The following PBX1 variants were observed in gnomAD, a reference collection of about 807,000 sequenced individuals.
PBX1 encodes the protein PBX homeobox 1.
Under a neutral mutation model 53.4 loss-of-function variants are expected in PBX1, and 6 were observed. The ratio of observed to expected loss-of-function variants is 0.11; its 90% CI spans 0.06 to 0.22. The LOEUF is 0.22. Among genes scored for constraint, PBX1 ranks in the 10% least tolerant of loss-of-function variants. The pLI is 1.00. For missense variants in PBX1, 251 were observed against 551.4 expected, an observed-to-expected ratio of 0.46 and a Z score of 5.46; for synonymous variants, 204 against 212.3, an observed-to-expected ratio of 0.96 and a Z score of 0.34.
At chr1:164,637,371 C>A (rs577675054) in intron 2 of PBX1, among the ~76,000 whole-genome samples, 1 of 152,118 alleles carries the variant, frequency 6.6e-6, no homozygotes, top group African/African-American at 2.4e-5. Context: ...AATGGATTAA[C>A]GTGATTCTTA....
Position 164,867,553 on chromosome 1 carries a change from C to G in PBX1, n.258-31635C>G, listed in dbSNP as rs555783068. Among the ~76,000 whole-genome samples, 72 of 152,354 alleles carry G rather than the reference C, an allele frequency of 4.7e-4. 1 individual carries two copies. In the South Asian group the frequency reaches 0.013, roughly 29 times the overall value. The stretch of plus-strand genomic sequence containing the variant: ...GGCCTATCCAGTCTGTAAAGTTGAG[C>G]ATTCCATCTCAAATGGTGGCCTAAA... On this transcript the variant is annotated intron_variant and non_coding_transcript_variant, in intron 2 of 2. Coordinates refer to the PBX1 transcript ENST00000558796.
At chr1:164,797,219 A>C (rs1450444304) in intron 3 of PBX1, among the ~76,000 whole-genome samples, 1 of 152,212 alleles carries the variant, frequency 6.6e-6, no homozygotes, top group Admixed American at 6.5e-5. Context: ...ATAATGAAGC[A>C]CATTATTATT....
At chr1:164,611,276 C>T (rs1004535961) in intron 2 of PBX1, among the ~76,000 whole-genome samples, 3 of 152,134 alleles carry the variant, frequency 2.0e-5, no homozygotes, top group Admixed American at 2.0e-4. Context: ...CTTACTCTGT[C>T]GCCCAGGCTA....
chr1:164,859,080 CCAATA>C (rs1672038094), intron 2 of PBX1, among the ~76,000 whole-genome samples: 1 of 152,192 alleles, frequency 6.6e-6, no homozygotes, highest in East Asian at 1.9e-4. Context: ...TTCTTACCAA[CCAATA>C]CAAGGAGCAA....
chr1:164,701,188 C>T (rs1663101291), intron 2 of PBX1, among the ~76,000 whole-genome samples: 1 of 152,092 alleles, frequency 6.6e-6, no homozygotes, highest in Admixed American at 6.5e-5. Flanking sequence ...ATGTAGAAAG[C>T]AGAGTTCAGG....
chr1:164,725,260 CA>C (rs1360989280), intron 2 of PBX1, among the ~76,000 whole-genome samples: 1 of 152,086 alleles, frequency 6.6e-6, no homozygotes, highest in Non-Finnish European at 1.5e-5. Flanking sequence ...CATAAGCCCC[CA>C]AAGGTTTGGA....
intron 2 of PBX1, among the ~76,000 whole-genome samples, chr1:164,785,503 GT>G (rs1395437557): frequency 6.6e-6 from 1 of 152,200 alleles, no homozygotes; most frequent in Non-Finnish European, 1.5e-5. Context: ...AGGAAGAAGT[GT>G]ATGTGCATCA....
intron 2 of PBX1, among the ~76,000 whole-genome samples, chr1:164,733,259 A>AGTC (rs1399382369): frequency 1.3e-5 from 2 of 152,116 alleles, no homozygotes; most frequent in African/African-American, 4.8e-5. Context: ...CACTAGACTG[A>AGTC]GAACTTCTTG....
intron 2 of PBX1, chr1:164,684,040 A>T (rs1389264771): frequency 2.0e-5 from 3 of 151,424 alleles, no homozygotes; most frequent in African/African-American, 7.3e-5. Context: ...CTGGTCTTGA[A>T]CTCCTAGCCT....
intron 2 of PBX1, among the ~76,000 whole-genome samples, chr1:164,696,536 C>T (rs1455775230): frequency 6.6e-6 from 1 of 152,136 alleles, no homozygotes; most frequent in Non-Finnish European, 1.5e-5. Flanking sequence ...TTGGACTAGA[C>T]TCTAAGATAT....
chr1:164,674,941 T>TA (rs1375765757), intron 2 of PBX1: 3 of 148,412 alleles, frequency 2.0e-5, no homozygotes, highest in Non-Finnish European at 4.4e-5. Context: ...ACCCTTTCTT[T>TA]AGCATGGTGC....
intron 2 of PBX1, among the ~76,000 whole-genome samples, chr1:164,755,873 A>G (rs1666486889): frequency 2.6e-5 from 4 of 152,036 alleles, no homozygotes; most frequent in Admixed American, 6.6e-5. Context: ...TAAGCTGCCA[A>G]CATGGCTTTC....
intron 8 of PBX1, among the ~76,000 whole-genome samples, chr1:164,832,325 G>C (rs945437333): frequency 6.6e-6 from 1 of 152,166 alleles, no homozygotes; most frequent in East Asian, 1.9e-4. Flanking sequence ...GCATATGGAA[G>C]GCTTACGACT....
chr1:164,629,240 A>T (rs1557901692), intron 2 of PBX1, among the ~76,000 whole-genome samples: 1 of 152,136 alleles, frequency 6.6e-6, no homozygotes, highest in Non-Finnish European at 1.5e-5. Context: ...GAAAAAAAAA[A>T]TGTTAGTGTT....
intron 2 of PBX1, among the ~76,000 whole-genome samples, chr1:164,619,104 G>A (rs2101847144): frequency 6.6e-6 from 1 of 152,192 alleles, no homozygotes; most frequent in South Asian, 2.1e-4. Flanking sequence ...AGACAACAGG[G>A]AGAGAAACAA....
At chr1:164,651,685 AGAG>A (rs1244509171) in intron 2 of PBX1, among the ~76,000 whole-genome samples, 1 of 152,130 alleles carries the variant, frequency 6.6e-6, no homozygotes, top group African/African-American at 2.4e-5. Flanking sequence ...AATGAGACAG[AGAG>A]GAGCCCACAA....
At chr1:164,767,608 A>G (rs1311834985) in intron 2 of PBX1, among the ~76,000 whole-genome samples, 1 of 151,920 alleles carries the variant, frequency 6.6e-6, no homozygotes, top group African/African-American at 2.4e-5. Flanking sequence ...TCTGATTTGG[A>G]GCAAAGGGGA....
chr1:164,800,265 A>G (rs1287763324), intron 4 of PBX1, among the ~76,000 whole-genome samples: 3 of 152,090 alleles, frequency 2.0e-5, no homozygotes, highest in African/African-American at 7.2e-5. Flanking sequence ...AGTTTATTCC[A>G]TTTGCTTGGA....
chr1:164,809,830 A>T (rs1317547407), intron 5 of PBX1, among the ~76,000 whole-genome samples: 1 of 152,162 alleles, frequency 6.6e-6, no homozygotes, highest in Non-Finnish European at 1.5e-5. Context: ...CCCTTTTTCT[A>T]TACCAGAGCT....
Sources: gnomAD v4.1 joint callset for allele counts (sites outside exome capture counted in the v4.1 genomes callset) on GRCh38, gnomAD v4.1.1 for gene constraint, MANE v1.5 for transcripts, NCBI Gene and HGNC (gene_info 2026-07-23, HGNC 2026-07-21) for gene names.